The following CLNK variants were observed in gnomAD, a reference collection of about 807,000 sequenced individuals.
CLNK encodes the protein cytokine dependent hematopoietic cell linker, also known as cytokine-dependent hematopoietic cell linker.
In CLNK, 74 loss-of-function variants were observed where a neutral mutation model predicts 68.6. The observed-to-expected ratio is 1.08, with a 90% CI of 0.89 to 1.31. CLNK has a LOEUF of 1.31. Among genes scored for constraint, CLNK ranks in the 50% most tolerant of loss-of-function variants. The probability of loss-of-function intolerance (pLI) is 0.00; values close to 1 mark genes in which losing one functional copy is unlikely to be tolerated. For missense variants in CLNK, 553 were observed against 515.3 expected (o/e 1.07, Z -0.71); for synonymous variants, 198 against 172.2 (o/e 1.15, Z -1.17).
chr4:10,494,196 C>CA (rs1429071206), intron 18 of CLNK, among the ~76,000 whole-genome samples: 1 of 152,130 alleles, frequency 6.6e-6, no homozygotes, highest in African/African-American at 2.4e-5. Context: ...CAACCACACA[C>CA]AAAAAAACTT....
intron 18 of CLNK, 143 bp from the exon 19 acceptor site, chr4:10,490,756 T>TG (rs1716535559): frequency 1.5e-6 from 1 of 664,038 alleles, no homozygotes; most frequent in South Asian, 2.3e-5. Flanking sequence ...TTTCAGGAAG[T>TG]GGTTTTTGGT....
intron 12 of CLNK, among the ~76,000 whole-genome samples, chr4:10,530,158 C>T (rs895605434): frequency 6.6e-6 from 1 of 152,016 alleles, no homozygotes; most frequent in Non-Finnish European, 1.5e-5. Flanking sequence ...GGGGAAGACA[C>T]CTAGACTTCG....
intron 2 of CLNK, among the ~76,000 whole-genome samples, chr4:10,665,523 G>A (rs1724360015): frequency 6.6e-6 from 1 of 152,044 alleles, no homozygotes; most frequent in African/African-American, 2.4e-5. Context: ...AATTAGCCAG[G>A]CATGGTGGTA....
the CLNK span, among the ~76,000 whole-genome samples, chr4:10,726,712 G>A: frequency 3.9e-5 from 6 of 152,280 alleles, no homozygotes; most frequent in African/African-American, 1.4e-4. Context: ...TGCAAGAACT[G>A]AAGCCCAGAG....
chr4:10,678,936 G>C (rs1233380017), intron 1 of CLNK, among the ~76,000 whole-genome samples: 1 of 152,146 alleles, frequency 6.6e-6, no homozygotes, highest in Non-Finnish European at 1.5e-5. Flanking sequence ...TGGCCATACT[G>C]CCCAAGGTAA....
chr4:10,547,805 T>A (rs1329193207), intron 8 of CLNK, among the ~76,000 whole-genome samples: 2 of 152,170 alleles, frequency 1.3e-5, no homozygotes, highest in Admixed American at 1.3e-4. Context: ...ATCAGTATTG[T>A]CATAAATGGA....
chr4:10,486,868 CTT>C lies in CLNK; in HGVS notation c.*3597_*3598del, dbSNP rs1320533442. ...ATCCAATCCAGTAATGGGAAACTGA[CTT>C]AGATTATCTTATTTGTTTGTATATT... On this transcript the variant is annotated 3_prime_UTR_variant, in exon 19 of 19. Transcript: ENST00000226951. 1 of 152,208 alleles carries C rather than the reference CTT, an allele frequency of 6.6e-6. No individual in the cohort carries two copies. The highest frequency in any genetic ancestry group is 1.5e-5 in the Non-Finnish European group (1 of 68,040). 9.4% of individuals were successfully genotyped at this position (152,208 alleles called of 1,614,324 possible). A position where few individuals can be genotyped will look rare whatever the true frequency, so the allele number is the denominator to read the frequency against.
At chr4:10,716,911 C>G in the CLNK span, among the ~76,000 whole-genome samples, 1 of 151,884 alleles carries the variant, frequency 6.6e-6, no homozygotes, top group Non-Finnish European at 1.5e-5. Context: ...CCAGGCTGGT[C>G]TTGAACTCCT....
the CLNK span, among the ~76,000 whole-genome samples, chr4:10,706,857 G>C: frequency 6.6e-6 from 1 of 152,132 alleles, no homozygotes; most frequent in African/African-American, 2.4e-5. Flanking sequence ...TGGCCAAAAG[G>C]ACCCCCAGAA....
rs77241333 is a variant in CLNK at position 10,535,373 on chromosome 4, A to C, written c.603-3090T>G. ...CCCTGCACCTTTGGCCATTGAGTGT[A>C]CTGAAGCTTAAAGGACATATGGGAC... is the stretch of plus-strand genomic sequence containing the variant. On this transcript the variant is annotated intron_variant, in intron 11 of 18. Transcript: ENST00000226951. Among the ~76,000 whole-genome samples the C allele has an allele frequency of 1.8e-3, 278 of 152,334 alleles. 1 individual carries two copies. The highest frequency in any genetic ancestry group is 6.4e-3 in the African/African-American group (266 of 41,576).
chr4:10,567,033 G>T (rs912664247), intron 5 of CLNK, among the ~76,000 whole-genome samples: 2 of 147,446 alleles, frequency 1.4e-5, no homozygotes, highest in African/African-American at 5.0e-5. Context: ...GAAATACTTT[G>T]CAAATTAACA....
chr4:10,680,192 A>G (rs1725041185), intron 1 of CLNK, among the ~76,000 whole-genome samples: 3 of 152,104 alleles, frequency 2.0e-5, no homozygotes. Context: ...CAGCCATAAA[A>G]AATGATGAGT....
At chr4:10,506,681 G>C (rs1717307349) in intron 17 of CLNK, among the ~76,000 whole-genome samples, 1 of 152,010 alleles carries the variant, frequency 6.6e-6, no homozygotes, top group African/African-American at 2.4e-5. Flanking sequence ...TAGTTCCTTG[G>C]GTTGATTTTA....
chr4:10,707,102 G>A, the CLNK span, among the ~76,000 whole-genome samples: 4 of 152,190 alleles, frequency 2.6e-5, no homozygotes, highest in Non-Finnish European at 5.9e-5. Flanking sequence ...TAACTCAAGC[G>A]TTTCTTGATA....
In CLNK at chr4:10,544,859, C is replaced by T. The variant is rs572666109; in HGVS notation, c.446-2579G>A. The stretch of plus-strand genomic sequence containing the variant: ...TAAGACGGTGCAGGACAGCACATGG[C>T]GAGGAGGCTGACTGTGCTAATGTGC... On this transcript the variant is annotated intron_variant, in intron 8 of 18. Coordinates refer to ENST00000226951, the MANE Select transcript of CLNK (RefSeq NM_052964.4). Among the ~76,000 whole-genome samples the T allele has an allele frequency of 3.9e-5, 6 of 152,174 alleles. No individual in the cohort carries two copies. The South Asian group carries it at 8.3e-4, about 21-fold the overall frequency.
chr4:10,699,490 C>A, the CLNK span, among the ~76,000 whole-genome samples: 3,564 of 51,974 alleles, frequency 0.069, 88 homozygotes, highest in South Asian at 0.12. Context: ...CTCTCTCTCT[C>A]TCTCTATATA....
At chr4:10,723,919 A>AGAGACAGAGAGAG in the CLNK span, among the ~76,000 whole-genome samples, 4 of 148,022 alleles carry the variant, frequency 2.7e-5, no homozygotes, top group African/African-American at 5.0e-5. Flanking sequence ...AGAGAGAGAG[A>AGAGACAGAGAGAG]AGGCAGGGCA....
Position 10,667,952 on chromosome 4 carries a change from T to A in CLNK, c.-42-41A>T, listed in dbSNP as rs934932423. The A allele has an allele frequency of 3.5e-6, 4 of 1,154,144 alleles. No homozygotes were observed. The Admixed American group carries it at 6.9e-5, about 20-fold the overall frequency. 71.5% of individuals were successfully genotyped at this position (1,154,144 alleles called of 1,614,324 possible). A position where few individuals can be genotyped will look rare whatever the true frequency, so the allele number is the denominator to read the frequency against. ...CAAACGCGTTACTGGAACTTCCACA[T>A]CATGTTTTAATTCTGGGGAACAAGC... On this transcript the variant is annotated intron_variant, in intron 1 of 18. Transcript: ENST00000226951.
chr4:10,510,780 A>G (rs887022831), intron 16 of CLNK, among the ~76,000 whole-genome samples: 2 of 152,150 alleles, frequency 1.3e-5, no homozygotes, highest in African/African-American at 4.8e-5. Flanking sequence ...TTCCCTTTCT[A>G]TTGATCCCAG....
Sources: allele counts gnomAD v4.1 joint callset (sites outside exome capture counted in the v4.1 genomes callset), GRCh38; gene constraint gnomAD v4.1.1; transcripts MANE v1.5; gene names NCBI Gene and HGNC (gene_info 2026-07-23, HGNC 2026-07-21).